MYRIP: variants seen among roughly 807,000 people sequenced by gnomAD.
MYRIP encodes rab effector MyRIP.
Under a neutral mutation model 98.0 loss-of-function variants are expected in MYRIP, and 49 were observed. That is an observed-to-expected ratio of 0.50 (90% CI 0.40 to 0.63). The LOEUF (loss-of-function observed/expected upper bound fraction) is 0.63. Among genes scored for constraint, MYRIP ranks in the 30% least tolerant of loss-of-function variants. The probability of loss-of-function intolerance (pLI) is 0.00; values close to 1 mark genes in which losing one functional copy is unlikely to be tolerated. For missense variants in MYRIP, 1,004 were observed against 1,058.2 expected (o/e 0.95, Z 0.71); for synonymous variants, 404 against 409.5 (o/e 0.99, Z 0.16).
intron 3 of MYRIP, among the ~76,000 whole-genome samples, chr3:40,044,669 G>A (rs1392201302): frequency 6.6e-6 from 1 of 152,204 alleles, no homozygotes; most frequent in Non-Finnish European, 1.5e-5. Context: ...GTGACTCAGA[G>A]GCATAGCGGA....
At chr3:40,176,893 G>A (rs1950774833) in intron 8 of MYRIP, among the ~76,000 whole-genome samples, 1 of 34,910 alleles carries the variant, frequency 2.9e-5, no homozygotes, top group Non-Finnish European at 1.0e-4. Context: ...TGGGCAACAA[G>A]AGCAAACTCC....
At chr3:40,204,114 T>G (rs1163682267) in intron 10 of MYRIP, among the ~76,000 whole-genome samples, 1 of 30,374 alleles carries the variant, frequency 3.3e-5, no homozygotes, top group African/African-American at 1.1e-4. Flanking sequence ...ATATAATATA[T>G]AAATATAGAG....
At chr3:39,989,571 GA>G (rs1015622536) in intron 2 of MYRIP, among the ~76,000 whole-genome samples, 3 of 152,218 alleles carry the variant, frequency 2.0e-5, no homozygotes, top group South Asian at 2.1e-4. Context: ...TCACTGGGGG[GA>G]AACCCACACA....
intron 2 of MYRIP, among the ~76,000 whole-genome samples, chr3:39,909,993 C>T (rs1175443607): frequency 6.6e-6 from 1 of 151,936 alleles, no homozygotes; most frequent in Non-Finnish European, 1.5e-5. Flanking sequence ...CGGGTTCAAG[C>T]GATTCTCCTG....
At chr3:39,852,637 G>A (rs1035299239) in intron 1 of MYRIP, among the ~76,000 whole-genome samples, 3 of 151,688 alleles carry the variant, frequency 2.0e-5, no homozygotes, top group African/African-American at 7.3e-5. Flanking sequence ...TATGATATTT[G>A]GTTTTCCATT....
rs1205706984 is a variant in MYRIP, at chr3:40,209,972, G to A, written c.1784G>A (p.Ser595Asn). ...CTGTACGAGTTAGCAATGAAAATGA[G>A]TGAAAAGGAGACTTCTTCAGGGGAG... ...NRLYELAMKMSEKETSSGEDQ... is the reference protein window; with the variant it reads ...NRLYELAMKMNEKETSSGEDQ... The change falls in exon 11 of 17, where the codon AGT becomes AAT. Residue 595 changes from serine (S) to asparagine (N), a missense_variant. This residue lies in a region of MYRIP where 880 missense variants were observed against 907.7 expected (regional missense o/e 0.97). Coordinates refer to ENST00000302541, the MANE Select transcript of MYRIP (RefSeq NM_015460.4). 6.2e-7 allele frequency: 1 copy of A among 1,614,120 alleles called. No individual in the cohort carries two copies. The highest frequency in any genetic ancestry group is 1.7e-5 in the Admixed American group (1 of 60,012).
intron 9 of MYRIP, among the ~76,000 whole-genome samples, chr3:40,186,890 C>G (rs1440667828): frequency 6.6e-6 from 1 of 152,146 alleles, no homozygotes; most frequent in East Asian, 1.9e-4. Context: ...AGAATGCCAG[C>G]AAAATAGAAA....
At chr3:40,060,486 G>A (rs753540844) in intron 3 of MYRIP, among the ~76,000 whole-genome samples, 1 of 151,836 alleles carries the variant, frequency 6.6e-6, no homozygotes, top group Non-Finnish European at 1.5e-5. Context: ...GTTATTTTGC[G>A]AATAAGGCTG....
chr3:39,971,336 T>G (rs144815489), intron 2 of MYRIP, among the ~76,000 whole-genome samples: 6 of 152,178 alleles, frequency 3.9e-5, no homozygotes, highest in Admixed American at 3.9e-4. Context: ...GGTATCTGCT[T>G]CTTTCTTGCC....
intron 2 of MYRIP, among the ~76,000 whole-genome samples, chr3:39,991,986 C>G (rs796280832): frequency 1.4e-4 from 22 of 152,282 alleles, no homozygotes; most frequent in African/African-American, 5.3e-4. Flanking sequence ...AAGCTTGTCA[C>G]TCAGTGGAAA....
intron 1 of MYRIP, among the ~76,000 whole-genome samples, chr3:39,811,128 G>T (rs1940672489): frequency 1.3e-5 from 2 of 152,138 alleles, no homozygotes. Flanking sequence ...AGAGCTCTGG[G>T]CTGGGGAGAG....
chr3:39,980,431 T>C (rs1559546612), intron 2 of MYRIP, among the ~76,000 whole-genome samples: 1 of 152,152 alleles, frequency 6.6e-6, no homozygotes, highest in East Asian at 1.9e-4. Flanking sequence ...ACAGAGAAAA[T>C]GAATGCAAGT....
chr3:40,056,398 TC>T (rs1348437615), intron 3 of MYRIP, among the ~76,000 whole-genome samples: 1 of 152,202 alleles, frequency 6.6e-6, no homozygotes, highest in Non-Finnish European at 1.5e-5. Flanking sequence ...GAGGCCTGCA[TC>T]CCACTTCTTG....
chr3:39,874,489 A>G (rs900088698), intron 1 of MYRIP, among the ~76,000 whole-genome samples: 6 of 151,638 alleles, frequency 4.0e-5, no homozygotes, highest in African/African-American at 9.7e-5. Flanking sequence ...GTCATAGATA[A>G]CTCTTATTAT....
intron 1 of MYRIP, among the ~76,000 whole-genome samples, chr3:39,810,979 C>T (rs532866062): frequency 2.6e-5 from 4 of 152,176 alleles, no homozygotes; most frequent in Non-Finnish European, 5.9e-5. Flanking sequence ...ATTTTCTTGA[C>T]ACTTACTCAG....
chr3:40,046,065 TAGA>T (rs377262593), intron 3 of MYRIP, among the ~76,000 whole-genome samples: 25 of 152,198 alleles, frequency 1.6e-4, no homozygotes, highest in African/African-American at 6.0e-4. Flanking sequence ...AGACAATGTC[TAGA>T]AGAAGAAGTT....
intron 1 of MYRIP, among the ~76,000 whole-genome samples, chr3:39,855,200 T>TCAATACCTA (rs1356860167): frequency 6.6e-6 from 1 of 152,130 alleles, no homozygotes; most frequent in Non-Finnish European, 1.5e-5. Flanking sequence ...GGAAATTAGG[T>TCAATACCTA]ATTGTCTTCT....
intron 10 of MYRIP, among the ~76,000 whole-genome samples, chr3:40,203,360 G>A (rs983510093): frequency 6.6e-6 from 1 of 152,006 alleles, no homozygotes; most frequent in Non-Finnish European, 1.5e-5. Context: ...TAAGAAAAAT[G>A]TTGGCACCAC....
chr3:40,081,901 C>T (rs144384744), intron 3 of MYRIP, among the ~76,000 whole-genome samples: 311 of 152,290 alleles, frequency 2.0e-3, no homozygotes, highest in Admixed American at 3.1e-3. Context: ...TTATATTCCA[C>T]GTATGAGCAA....
Sources: allele counts gnomAD v4.1 joint callset (sites outside exome capture counted in the v4.1 genomes callset), GRCh38; gene constraint gnomAD v4.1.1; regional missense constraint gnomAD v4.1.1; transcripts MANE v1.5; gene names NCBI Gene and HGNC (gene_info 2026-07-23, HGNC 2026-07-21).